NRF1: variants seen among roughly 807,000 people sequenced by gnomAD.
NRF1 encodes alpha palindromic-binding protein.
In NRF1, 5 loss-of-function variants were observed where a neutral mutation model predicts 58.5. The ratio of observed to expected loss-of-function variants is 0.09; its 90% CI spans 0.04 to 0.18. The LOEUF (loss-of-function observed/expected upper bound fraction) is 0.18, where lower values mean the gene tolerates loss of function less well. Ranked by LOEUF, NRF1 falls within the 10% of genes least tolerant of loss-of-function variation. NRF1 has a pLI of 1.00. For synonymous variants in NRF1, 224 were observed against 246.7 expected, an observed-to-expected ratio of 0.91 and a Z score of 0.86; for missense variants, 288 against 657.7, an observed-to-expected ratio of 0.44 and a Z score of 6.15.
chr7:129,705,728 C>A (rs1802933504), intron 5 of NRF1, among the ~76,000 whole-genome samples: 1 of 150,794 alleles, frequency 6.6e-6, no homozygotes, highest in Non-Finnish European at 1.5e-5. Flanking sequence ...TTGGCCTGGG[C>A]AATGTAGGGA....
intron 4 of NRF1, among the ~76,000 whole-genome samples, chr7:129,682,227 G>A (rs1376247086): frequency 2.0e-5 from 3 of 152,156 alleles, no homozygotes; most frequent in Non-Finnish European, 4.4e-5. Flanking sequence ...TGGGAGCTGA[G>A]GTGGGAGGAT....
intron 1 of NRF1, among the ~76,000 whole-genome samples, chr7:129,653,745 G>T (rs558974294): frequency 1.3e-5 from 2 of 152,258 alleles, no homozygotes; most frequent in East Asian, 1.9e-4. Flanking sequence ...AGCCTTTTCA[G>T]ATTGGCTTTT....
chr7:129,666,823 A>G (rs1469835867), intron 2 of NRF1, among the ~76,000 whole-genome samples: 2 of 152,178 alleles, frequency 1.3e-5, no homozygotes, highest in African/African-American at 4.8e-5. Flanking sequence ...GAGCCACCGC[A>G]TCCAGCCTGA....
At chr7:129,744,387 T>C (rs1035788542) in intron 10 of NRF1, among the ~76,000 whole-genome samples, 1 of 152,132 alleles carries the variant, frequency 6.6e-6, no homozygotes, top group African/African-American at 2.4e-5. Flanking sequence ...ATTGATTCCA[T>C]TGATTATCTG....
chr7:129,732,598 T>TTTTG (rs57499892), intron 10 of NRF1, among the ~76,000 whole-genome samples: 134,772 of 150,886 alleles, frequency 0.89, 60,251 homozygotes, highest in East Asian at 0.93. Context: ...CCTTTGGGGT[T>TTTTG]TTTGTTTGTT....
intron 2 of NRF1, among the ~76,000 whole-genome samples, chr7:129,665,561 CAA>C (rs1166969056): frequency 6.6e-6 from 1 of 152,168 alleles, no homozygotes; most frequent in African/African-American, 2.4e-5. Flanking sequence ...GTAATAAAAA[CAA>C]TATCTCAAGT....
chr7:129,718,619 A>T (rs942933471), intron 9 of NRF1, among the ~76,000 whole-genome samples: 1 of 152,202 alleles, frequency 6.6e-6, no homozygotes, highest in Admixed American at 6.5e-5. Flanking sequence ...TCACTATTGA[A>T]TTGTATGGTA....
intron 2 of NRF1, among the ~76,000 whole-genome samples, chr7:129,665,748 G>A (rs750908269): frequency 3.9e-5 from 6 of 152,090 alleles, no homozygotes; most frequent in South Asian, 2.1e-4. Flanking sequence ...CCTCATCCTC[G>A]TGGACAGGTG....
intron 8 of NRF1, among the ~76,000 whole-genome samples, chr7:129,715,167 CAGT>C (rs1157725090): frequency 6.6e-6 from 1 of 152,166 alleles, no homozygotes; most frequent in Non-Finnish European, 1.5e-5. Flanking sequence ...GTACTAAAAT[CAGT>C]AGTTCTGTAC....
intron 10 of NRF1, among the ~76,000 whole-genome samples, chr7:129,750,365 G>T (rs1804085229): frequency 6.6e-6 from 1 of 152,200 alleles, no homozygotes; most frequent in Admixed American, 6.5e-5. Context: ...GGCACGCTGG[G>T]TTTCCAGGCC....
At chr7:129,625,732 A>C (rs1346966491) in intron 1 of NRF1, among the ~76,000 whole-genome samples, 1 of 121,350 alleles carries the variant, frequency 8.2e-6, no homozygotes. Context: ...CCCAGGCTGG[A>C]GTGCAGTGGT....
intron 2 of NRF1, among the ~76,000 whole-genome samples, chr7:129,666,130 T>C (rs1421520437): frequency 6.6e-6 from 1 of 152,214 alleles, no homozygotes; most frequent in East Asian, 1.9e-4. Flanking sequence ...AACAAATGCA[T>C]GTGCACCCAC....
intron 9 of NRF1, among the ~76,000 whole-genome samples, chr7:129,719,497 A>AACACACAC (rs67443980): frequency 0.056 from 7,915 of 141,720 alleles, 305 homozygotes; most frequent in Non-Finnish European, 0.076. Flanking sequence ...AGGAAACTGA[A>AACACACAC]ACACACACAC....
At position 129,696,307 on chromosome 7, in the gene NRF1, G is replaced by A. The variant is rs6972932; in HGVS notation, c.606+5761G>A. 1.0e-3 allele frequency among the ~76,000 whole-genome samples: 154 copies of A among 152,150 alleles called. 1 individual carries two copies. Among genetic ancestry groups the A allele is most frequent in the Middle Eastern group, 3.4e-3 (1 of 294 alleles). ...TGATAATGTTTCTGCTTTGTTTTAC[G>A]CAAAGATTACTTTATGTTAACATGA... On this transcript the variant is annotated intron_variant, in intron 5 of 10. Transcript: ENST00000393232.
chr7:129,621,157 T>C (rs752211726), intron 1 of NRF1, among the ~76,000 whole-genome samples: 2 of 152,212 alleles, frequency 1.3e-5, no homozygotes, highest in African/African-American at 2.4e-5. Flanking sequence ...AATCTTTGCA[T>C]CTTTGAAATT....
At chr7:129,646,373 G>A (rs762267043) in intron 1 of NRF1, among the ~76,000 whole-genome samples, 25 of 152,152 alleles carry the variant, frequency 1.6e-4, no homozygotes, top group Admixed American at 2.6e-4. Flanking sequence ...ATTAATCGGG[G>A]CCTAGAAAAC....
chr7:129,714,187 C>T (rs1224988580), intron 8 of NRF1, among the ~76,000 whole-genome samples: 1 of 152,210 alleles, frequency 6.6e-6, no homozygotes, highest in Non-Finnish European at 1.5e-5. Flanking sequence ...TCTGTTTCTC[C>T]TCCTATTTTC....
chr7:129,641,008 G>C (rs750345083), intron 1 of NRF1, among the ~76,000 whole-genome samples: 2 of 152,158 alleles, frequency 1.3e-5, no homozygotes, highest in Non-Finnish European at 2.9e-5. Flanking sequence ...TCACAGAGCC[G>C]TGGAGACCTT....
At chr7:129,664,125 C>T (rs112271895) in intron 2 of NRF1, among the ~76,000 whole-genome samples, 13 of 90,258 alleles carry the variant, frequency 1.4e-4, no homozygotes, top group African/African-American at 3.5e-4. Context: ...ACAGTGGAGA[C>T]GGGAAAGGGG....
Sources: allele counts gnomAD v4.1 joint callset (sites outside exome capture counted in the v4.1 genomes callset), GRCh38; gene constraint gnomAD v4.1.1; transcripts MANE v1.5; gene names NCBI Gene and HGNC (gene_info 2026-07-23, HGNC 2026-07-21).